Variants in GRM7 observed in about 807,000 individuals in gnomAD.
The protein encoded by GRM7 is metabotropic glutamate receptor 7.
GRM7 carries 35 observed loss-of-function variants against 84.5 expected under a neutral mutation model. That is an observed-to-expected ratio of 0.41 (90% CI 0.32 to 0.55). GRM7 has a LOEUF of 0.55. Ranked by LOEUF, GRM7 falls within the 20% of genes least tolerant of loss-of-function variation. GRM7 has a pLI of 0.19. For missense variants in GRM7, 1,003 were observed against 1,194.6 expected (o/e 0.84, Z 2.36); for synonymous variants, 487 against 455.1 (o/e 1.07, Z -0.89).
intron 8 of GRM7, among the ~76,000 whole-genome samples, chr3:7,640,959 T>C (rs532505024): frequency 7.2e-5 from 11 of 152,256 alleles, no homozygotes; most frequent in Admixed American, 6.5e-4. Flanking sequence ...TCAGTAGAGG[T>C]GTCATAATTA....
intron 1 of GRM7, among the ~76,000 whole-genome samples, chr3:7,019,588 A>T (rs1378934858): frequency 6.6e-6 from 1 of 152,220 alleles, no homozygotes; most frequent in Non-Finnish European, 1.5e-5. Flanking sequence ...GATGCCAACA[A>T]GCATTTACCA....
intron 4 of GRM7, among the ~76,000 whole-genome samples, chr3:7,340,085 T>C (rs1282713918): frequency 6.6e-6 from 1 of 152,180 alleles, no homozygotes; most frequent in Non-Finnish European, 1.5e-5. Flanking sequence ...GTTGAATATT[T>C]GATCTCACAT....
intron 2 of GRM7, among the ~76,000 whole-genome samples, chr3:7,231,149 G>A (rs985999835): frequency 1.4e-4 from 22 of 152,258 alleles, no homozygotes; most frequent in African/African-American, 2.9e-4. Context: ...GGTGTCACCC[G>A]TCTTGGAAGG....
chr3:7,091,211 C>A (rs1451661002), intron 1 of GRM7, among the ~76,000 whole-genome samples: 23 of 137,158 alleles, frequency 1.7e-4, no homozygotes, highest in African/African-American at 1.8e-4. Flanking sequence ...AGTGAAGTAC[C>A]AAAAAAAAAA....
At chr3:7,126,492 G>T (rs746131166) in intron 1 of GRM7, among the ~76,000 whole-genome samples, 3 of 152,202 alleles carry the variant, frequency 2.0e-5, no homozygotes, top group African/African-American at 4.8e-5. Context: ...TTCCATGGGA[G>T]TATGAACCGG....
At chr3:6,872,684 A>G (rs903999267) in intron 1 of GRM7, among the ~76,000 whole-genome samples, 1 of 150,658 alleles carries the variant, frequency 6.6e-6, no homozygotes, top group Non-Finnish European at 1.5e-5. Context: ...TTGTTGTTCA[A>G]CTCCCACTTA....
At chr3:6,980,360 A>T (rs1233577236) in intron 1 of GRM7, among the ~76,000 whole-genome samples, 4 of 152,162 alleles carry the variant, frequency 2.6e-5, no homozygotes, top group African/African-American at 9.7e-5. Flanking sequence ...CATTTCATAT[A>T]TAATTTTTGG....
At chr3:6,958,791 A>T (rs974141102) in intron 1 of GRM7, among the ~76,000 whole-genome samples, 2 of 152,174 alleles carry the variant, frequency 1.3e-5, no homozygotes, top group Non-Finnish European at 2.9e-5. Flanking sequence ...AATCTATTTG[A>T]TACCTACTTT....
intron 2 of GRM7, among the ~76,000 whole-genome samples, chr3:7,187,250 G>A (rs371472078): frequency 1.3e-5 from 2 of 151,810 alleles, no homozygotes; most frequent in Admixed American, 6.6e-5. Context: ...TCTCTAGCTC[G>A]CAACAAGATG....
chr3:7,594,580 G>A (rs1023886700), intron 8 of GRM7, among the ~76,000 whole-genome samples: 3 of 152,144 alleles, frequency 2.0e-5, no homozygotes, highest in East Asian at 1.9e-4. Flanking sequence ...ATTACTGACA[G>A]CAGGGTGCAT....
intron 7 of GRM7, among the ~76,000 whole-genome samples, chr3:7,476,344 A>G (rs574080186): frequency 4.3e-4 from 65 of 152,226 alleles, no homozygotes; most frequent in African/African-American, 1.5e-3. Flanking sequence ...TCAGGAGATC[A>G]AGACCATCCT....
At chr3:7,411,086 C>A (rs944791180) in intron 4 of GRM7, among the ~76,000 whole-genome samples, 1 of 152,144 alleles carries the variant, frequency 6.6e-6, no homozygotes, top group African/African-American at 2.4e-5. Flanking sequence ...TCCTTCTCGC[C>A]TTCTCCTGTG....
intron 7 of GRM7, chr3:7,561,507 C>T (rs1965222): frequency 0.11 from 49,052 of 456,316 alleles, 3,098 homozygotes; most frequent in African/African-American, 0.13. Flanking sequence ...GGATAGAGAC[C>T]ATTTGTGCCT....
In GRM7 at chr3:7,615,936, C is replaced by T. The variant is rs189342548; in HGVS notation, c.2451+36579C>T. Among the ~76,000 whole-genome samples, 4 of 151,800 alleles carry T rather than the reference C, an allele frequency of 2.6e-5. No individual in the cohort carries two copies. The East Asian group carries it at 7.7e-4, about 29-fold the overall frequency. On this transcript the variant is annotated intron_variant, in intron 8 of 9. Coordinates refer to ENST00000357716, the MANE Select transcript of GRM7 (RefSeq NM_000844.4). ...TAACGTATTTATATATACTTGAATA[C>T]TTATAAGTGTATTACATATATAAAC...
chr3:6,887,210 A>G (rs1395607083), intron 1 of GRM7, among the ~76,000 whole-genome samples: 1 of 151,722 alleles, frequency 6.6e-6, no homozygotes, highest in Non-Finnish European at 1.5e-5. Flanking sequence ...TTTAGAAGTA[A>G]AGTTTAAAGT....
Position 6,861,584 on chromosome 3 carries a change from C to T in GRM7, c.196C>T (p.Pro66Ser), listed in dbSNP as rs1276377587. The T allele has an allele frequency of 8.1e-6, 13 of 1,608,104 alleles. No homozygotes were observed. Among genetic ancestry groups the T allele is most frequent in the Non-Finnish European group, 1.1e-5 (13 of 1,176,928 alleles). The change falls in exon 1 of 10, where the codon CCC becomes TCC. Residue 66 changes from proline (P) to serine (S), a missense_variant. Pro to Ser is a moderately conservative substitution (Grantham distance 74). This residue lies in a region of GRM7 where 910 missense variants were observed against 1,126.0 expected (regional missense o/e 0.81). Transcript: ENST00000357716. The surrounding 1 kb of genome is among the most constrained non-coding windows in gnomAD (Gnocchi z 6.4). ...PVHAKGPSGV[P>S]CGDIKRENGI... ...GCACGCCAAGGGTCCCAGCGGAGTG[C>T]CCTGCGGCGACATCAAGAGGGAAAA... is the stretch of plus-strand genomic sequence containing the variant.
At chr3:7,418,368 T>G (rs1696258933) in intron 5 of GRM7, among the ~76,000 whole-genome samples, 1 of 152,188 alleles carries the variant, frequency 6.6e-6, no homozygotes, top group African/African-American at 2.4e-5. Flanking sequence ...TCAGCAAGTA[T>G]GTGGTTGTCC....
At chr3:7,390,894 A>G (rs535456148) in intron 4 of GRM7, among the ~76,000 whole-genome samples, 51 of 152,100 alleles carry the variant, frequency 3.4e-4, no homozygotes, top group African/African-American at 1.2e-3. Context: ...AGCTACTGGG[A>G]TCCTTTGGAG....
At position 7,329,718 on chromosome 3, in the gene GRM7, G is replaced by A. The variant is rs193061450; in HGVS notation, c.1033+23066G>A. On this transcript the variant is annotated intron_variant, in intron 4 of 9. Transcript: ENST00000357716. ...TCTATGATTTCATGGCTGTTCAGTA[G>A]CATTGTGTGTGTATACGTGTGTGTG... Among the ~76,000 whole-genome samples the A allele has an allele frequency of 3.1e-3, 473 of 152,166 alleles. 3 individuals carry two copies. The highest frequency in any genetic ancestry group is 0.011 in the African/African-American group (446 of 41,514).
Sources: gnomAD v4.1 joint callset for allele counts (sites outside exome capture counted in the v4.1 genomes callset) on GRCh38, gnomAD v4.1.1 for gene constraint, gnomAD v4.1.1 regional missense constraint, Gnocchi (gnomAD v3.1) non-coding constraint, MANE v1.5 for transcripts, NCBI Gene and HGNC (gene_info 2026-07-23, HGNC 2026-07-21) for gene names.